MAGI3: variants seen among roughly 807,000 people sequenced by gnomAD.
MAGI3 encodes membrane-associated guanylate kinase, WW and PDZ domain-containing protein 3.
Under a neutral mutation model 121.8 loss-of-function variants are expected in MAGI3, and 43 were observed. The observed-to-expected ratio is 0.35, with a 90% confidence interval of 0.28 to 0.46. The LOEUF (loss-of-function observed/expected upper bound fraction) is 0.46, where lower values mean the gene tolerates loss of function less well. MAGI3 is among the 20% of genes least tolerant of loss of function. MAGI3 has a pLI of 1.00. For missense variants in MAGI3, 1,547 were observed against 1,797.3 expected (o/e 0.86, Z 2.52); for synonymous variants, 553 against 639.3 (o/e 0.86, Z 2.04).
chr1:113,629,759 T>TCTCCCTCTCCCTCTCC lies in MAGI3; in HGVS notation c.1360+6772_1360+6773insTCCCTCTCCCTCCCTC, dbSNP rs1651492554. 7.4e-5 allele frequency among the ~76,000 whole-genome samples: 6 copies of TCTCCCTCTCCCTCTCC among 80,584 alleles called. 1 individual carries two copies. Among genetic ancestry groups the TCTCCCTCTCCCTCTCC allele is most frequent in the South Asian group, 4.4e-4 (1 of 2,298 alleles). 52.9% of individuals were successfully genotyped at this position (80,584 alleles called of 152,430 possible). On this transcript the variant is annotated intron_variant, in intron 9 of 20. Coordinates refer to ENST00000307546, the MANE Select transcript of MAGI3 (RefSeq NM_001142782.2). Reference sequence around the variant, plus strand: ...CTCTCTCTCTCTCTCTCTCTCTCTCTCTCCCTCCCTCCCTCCCTCCCTCCC... The same window carrying TCTCCCTCTCCCTCTCC: ...CTCTCTCTCTCTCTCTCTCTCTCTCTCTCCCTCTCCCTCTCCCTCCCTCCCTCCCTCCCTCCCTCCC...
At chr1:113,635,215 T>C (rs1179340740) in intron 9 of MAGI3, among the ~76,000 whole-genome samples, 1 of 152,210 alleles carries the variant, frequency 6.6e-6, no homozygotes, top group African/African-American at 2.4e-5. Flanking sequence ...GAATACCCTT[T>C]ATTTCCTTCT....
chr1:113,450,510 G>A, intron 1 of MAGI3: 2 of 1,016,786 alleles, frequency 2.0e-6, no homozygotes, highest in African/African-American at 1.6e-5. Flanking sequence ...TATGGTGGAG[G>A]TGGTGGAGGA....
chr1:113,584,511 A>G (rs1182200762), intron 3 of MAGI3, among the ~76,000 whole-genome samples: 1 of 151,304 alleles, frequency 6.6e-6, no homozygotes, highest in African/African-American at 2.4e-5. Context: ...ATAAAATAAT[A>G]GAATGCTCAG....
chr1:113,484,024 T>C (rs1027686116), intron 1 of MAGI3, among the ~76,000 whole-genome samples: 2 of 152,212 alleles, frequency 1.3e-5, no homozygotes, highest in Admixed American at 6.5e-5. Flanking sequence ...TACAATATTA[T>C]GTATCATATC....
chr1:113,597,024 T>TA (rs1474352711), intron 6 of MAGI3, among the ~76,000 whole-genome samples: 1 of 152,146 alleles, frequency 6.6e-6, no homozygotes, highest in Non-Finnish European at 1.5e-5. Flanking sequence ...TGCATGCAAA[T>TA]ATTCATAGCA....
chr1:113,483,170 CAT>C (rs1283706133), intron 1 of MAGI3, among the ~76,000 whole-genome samples: 1 of 152,172 alleles, frequency 6.6e-6, no homozygotes, highest in Non-Finnish European at 1.5e-5. Flanking sequence ...AACATTTTAA[CAT>C]ATGTGAATGC....
At chr1:113,517,129 C>T (rs1158754783) in intron 1 of MAGI3, among the ~76,000 whole-genome samples, 2 of 151,546 alleles carry the variant, frequency 1.3e-5, no homozygotes, top group African/African-American at 4.8e-5. Flanking sequence ...GGAAAAAAAA[C>T]TTTAGGTAAA....
intron 1 of MAGI3, among the ~76,000 whole-genome samples, chr1:113,489,175 C>CT (rs879442114): frequency 6.6e-6 from 1 of 151,582 alleles, no homozygotes; most frequent in East Asian, 2.0e-4. Flanking sequence ...TTAGGCCCCC[C>CT]CCGACCCCAG....
chr1:113,548,241 T>C (rs1427404174), intron 1 of MAGI3, among the ~76,000 whole-genome samples: 1 of 152,264 alleles, frequency 6.6e-6, no homozygotes, highest in Non-Finnish European at 1.5e-5. Flanking sequence ...ATTGATTTTT[T>C]CTAATTATCT....
chr1:113,431,884 C>T (rs547604318), intron 1 of MAGI3, among the ~76,000 whole-genome samples: 1 of 151,960 alleles, frequency 6.6e-6, no homozygotes, highest in South Asian at 2.1e-4. Flanking sequence ...GTTAAATTAT[C>T]CTGGAAACTT....
At chr1:113,497,405 C>T (rs1312691137) in intron 1 of MAGI3, among the ~76,000 whole-genome samples, 4 of 106,638 alleles carry the variant, frequency 3.8e-5, no homozygotes, top group South Asian at 3.3e-4. Context: ...ACCTGGGAAG[C>T]GCAAGGGGTC....
intron 2 of MAGI3, among the ~76,000 whole-genome samples, chr1:113,578,882 A>G (rs1028867038): frequency 2.0e-5 from 3 of 152,172 alleles, no homozygotes; most frequent in Non-Finnish European, 4.4e-5. Context: ...AAAATTCAAT[A>G]TAGTCTTTGT....
intron 1 of MAGI3, among the ~76,000 whole-genome samples, chr1:113,469,714 G>C (rs1655453578): frequency 1.3e-5 from 2 of 152,042 alleles, no homozygotes; most frequent in Non-Finnish European, 2.9e-5. Flanking sequence ...TAATAGGAGA[G>C]ATTTCTGCTT....
At chr1:113,485,202 TG>T (rs1486450429) in intron 1 of MAGI3, among the ~76,000 whole-genome samples, 1 of 152,244 alleles carries the variant, frequency 6.6e-6, no homozygotes, top group Non-Finnish European at 1.5e-5. Context: ...CTGGATCAAA[TG>T]GTAGATCTAC....
chr1:113,600,298 G>A (rs1649286107), intron 6 of MAGI3, among the ~76,000 whole-genome samples: 1 of 152,104 alleles, frequency 6.6e-6, no homozygotes, highest in South Asian at 2.1e-4. Flanking sequence ...GTTTGCAGAT[G>A]ACATGATAGT....
rs183625484 is a variant in MAGI3 at position 113,395,889 on chromosome 1, A to G, written c.316+4540A>G. ...TAACATTTGGCCATTTGATTTTTAG[A>G]TGATTTTAAATTTTATTCAGTTTAT... is the stretch of plus-strand genomic sequence containing the variant. On this transcript the variant is annotated intron_variant, in intron 1 of 20. Transcript: ENST00000307546. Among the ~76,000 whole-genome samples the G allele has an allele frequency of 2.1e-3, 316 of 152,200 alleles. 4 individuals carry two copies. The highest frequency in any genetic ancestry group is 7.4e-3 in the African/African-American group (306 of 41,564).
At chr1:113,635,334 C>T (rs568968537) in intron 9 of MAGI3, among the ~76,000 whole-genome samples, 2 of 152,252 alleles carry the variant, frequency 1.3e-5, no homozygotes, top group South Asian at 4.1e-4. Flanking sequence ...CCAGTTTTTG[C>T]CCATTCAGTA....
At chr1:113,399,255 G>A (rs1009041777) in intron 1 of MAGI3, among the ~76,000 whole-genome samples, 1 of 152,036 alleles carries the variant, frequency 6.6e-6, no homozygotes, top group African/African-American at 2.4e-5. Flanking sequence ...CCCATCTCTT[G>A]GACCAATTAT....
intron 1 of MAGI3, among the ~76,000 whole-genome samples, chr1:113,434,155 A>G (rs1011935133): frequency 2.0e-5 from 3 of 152,240 alleles, no homozygotes; most frequent in Non-Finnish European, 4.4e-5. Context: ...CCACAAATGC[A>G]TAAATGAACC....
Sources: gnomAD v4.1 joint callset for allele counts (sites outside exome capture counted in the v4.1 genomes callset) on GRCh38, gnomAD v4.1.1 for gene constraint, MANE v1.5 for transcripts, NCBI Gene and HGNC (gene_info 2026-07-23, HGNC 2026-07-21) for gene names.